Variants in KANK1 observed in about 807,000 individuals in gnomAD.
The protein encoded by KANK1 is KN motif and ankyrin repeat domains 1.
KANK1 carries 109 observed loss-of-function variants against 106.2 expected under a neutral mutation model. The ratio of observed to expected loss-of-function variants is 1.03; its 90% CI spans 0.88 to 1.20. KANK1 has a LOEUF of 1.20. Ranked by LOEUF, KANK1 falls within the 50% of genes most tolerant of loss-of-function variation. The pLI, the probability that KANK1 is intolerant of heterozygous loss-of-function variation, is 0.00. For synonymous variants in KANK1, 873 were observed against 652.2 expected (o/e 1.34, Z -5.16); for missense variants, 2,399 against 1,710.7 (o/e 1.40, Z -7.10).
intron 2 of KANK1, among the ~76,000 whole-genome samples, chr9:698,419 C>T (rs531951625): frequency 6.6e-5 from 10 of 152,274 alleles, no homozygotes; most frequent in East Asian, 1.9e-4. Context: ...CTTCAGTGAC[C>T]TTCAGAAAAG....
At chr9:614,337 T>C (rs1368697426) in intron 1 of KANK1, among the ~76,000 whole-genome samples, 4 of 152,230 alleles carry the variant, frequency 2.6e-5, no homozygotes, top group African/African-American at 9.7e-5. Context: ...TCTATTCAGG[T>C]AATAGGATCT....
intron 1 of KANK1, among the ~76,000 whole-genome samples, chr9:603,883 C>T (rs544025660): frequency 4.1e-5 from 6 of 146,022 alleles, no homozygotes; most frequent in Non-Finnish European, 7.5e-5. Context: ...CACTTGAACC[C>T]GGGAGGCAGA....
intron 1 of KANK1, among the ~76,000 whole-genome samples, chr9:525,494 C>G (rs906828016): frequency 1.3e-5 from 2 of 151,436 alleles, no homozygotes; most frequent in Non-Finnish European, 2.9e-5. Context: ...ATTCTCATGC[C>G]TCAGCCTCCT....
intron 2 of KANK1, chr9:471,083 CTTGT>C (rs2132015800): frequency 6.6e-6 from 1 of 152,330 alleles, no homozygotes; most frequent in African/African-American, 2.4e-5. Flanking sequence ...ATTCTATTAG[CTTGT>C]TTCTCAGCTA....
chr9:598,521 C>G (rs1217906793), intron 1 of KANK1, among the ~76,000 whole-genome samples: 2 of 145,358 alleles, frequency 1.4e-5, no homozygotes, highest in Non-Finnish European at 3.0e-5. Flanking sequence ...TTATTTAGGT[C>G]TTATTCTTCA....
At chr9:684,155 G>C (rs1272947746) in intron 2 of KANK1, 1 of 985,038 alleles carries the variant, frequency 1.0e-6, no homozygotes, top group African/African-American at 1.7e-5. Flanking sequence ...CCTGTAGCCA[G>C]CTTCGCCTTA....
chr9:575,708 A>T (rs1399934844), intron 1 of KANK1, among the ~76,000 whole-genome samples: 3 of 151,800 alleles, frequency 2.0e-5, no homozygotes, highest in Admixed American at 2.0e-4. Context: ...TCTAGTTAAT[A>T]GCAAGGAAAG....
intron 1 of KANK1, among the ~76,000 whole-genome samples, chr9:548,467 T>C (rs931450928): frequency 6.6e-6 from 1 of 152,212 alleles, no homozygotes; most frequent in African/African-American, 2.4e-5. Flanking sequence ...TGCCCTCACA[T>C]GCTTTCTGGG....
At chr9:683,784 C>G (rs2139165960) in intron 2 of KANK1, among the ~76,000 whole-genome samples, 1 of 152,244 alleles carries the variant, frequency 6.6e-6, no homozygotes, top group South Asian at 2.1e-4. Flanking sequence ...TTGCATCATA[C>G]AGCTTCATCC....
At chr9:487,372 C>T (rs1317969322) in intron 3 of KANK1, among the ~76,000 whole-genome samples, 2 of 152,120 alleles carry the variant, frequency 1.3e-5, no homozygotes, top group African/African-American at 4.8e-5. Flanking sequence ...TGATTCTGCC[C>T]ACCTGTAGGC....
Position 697,508 on chromosome 9 carries a change from G to C in KANK1, c.38-13296G>C, listed in dbSNP as rs143891060. On this transcript the variant is annotated intron_variant, in intron 2 of 11. Transcript: ENST00000382297. ...TAGACGTTTCCAGGAATATTTTCTG[G>C]TGAGATATTCTGAGACGACATCAGT... Among the ~76,000 whole-genome samples, 42 of 152,180 alleles carry C rather than the reference G, an allele frequency of 2.8e-4. 3 individuals carry two copies. The East Asian group carries it at 8.1e-3, about 29-fold the overall frequency.
chr9:588,130 C>T lies in KANK1; in HGVS notation c.-84+83376C>T, dbSNP rs181235585. Among the ~76,000 whole-genome samples the T allele has an allele frequency of 2.6e-4, 39 of 151,894 alleles. 1 individual carries two copies. Among genetic ancestry groups the T allele is most frequent in the East Asian group, 2.1e-3 (11 of 5,174 alleles). On this transcript the variant is annotated intron_variant, in intron 1 of 11. Transcript: ENST00000382297. ...CATGTTCACATAGCTGGTAAACCCA[C>T]ACTGGTTCAGAACTTAAACCAGTGA...
chr9:537,967 C>G (rs187589275), intron 1 of KANK1, among the ~76,000 whole-genome samples: 1 of 152,304 alleles, frequency 6.6e-6, no homozygotes, highest in African/African-American at 2.4e-5. Context: ...CTCAACACAA[C>G]AAGTTGCCCT....
intron 2 of KANK1, chr9:693,880 A>C: frequency 1.1e-6 from 1 of 923,340 alleles, no homozygotes; most frequent in East Asian, 1.2e-4. Flanking sequence ...GTGTGTTGTG[A>C]AAAAGATTTG....
chr9:709,232 AAC>A (rs1825215825), intron 2 of KANK1, among the ~76,000 whole-genome samples: 1 of 152,218 alleles, frequency 6.6e-6, no homozygotes, highest in Non-Finnish European at 1.5e-5. Context: ...AGAAGTGGAA[AAC>A]ACAAAATAGA....
chr9:707,455 C>G (rs1438970736), intron 2 of KANK1, among the ~76,000 whole-genome samples: 1 of 152,176 alleles, frequency 6.6e-6, no homozygotes, highest in Non-Finnish European at 1.5e-5. Context: ...TGCAGCTTCT[C>G]TCCTGTTAAT....
intron 1 of KANK1, among the ~76,000 whole-genome samples, chr9:519,715 C>T (rs1173827002): frequency 6.6e-6 from 1 of 151,770 alleles, no homozygotes; most frequent in Non-Finnish European, 1.5e-5. Flanking sequence ...TATCCTCCAT[C>T]AGTTAGAGAT....
intron 1 of KANK1, among the ~76,000 whole-genome samples, chr9:608,034 A>ATTATTATTTT (rs550990252): frequency 2.6e-5 from 3 of 115,354 alleles, no homozygotes; most frequent in Non-Finnish European, 5.0e-5. Flanking sequence ...TATTATTATT[A>ATTATTATTTT]TTTTTTTTTT....
intron 1 of KANK1, among the ~76,000 whole-genome samples, chr9:623,458 C>T (rs1439180263): frequency 1.3e-5 from 2 of 151,848 alleles, no homozygotes; most frequent in African/African-American, 4.8e-5. Flanking sequence ...GGCGTGGTGG[C>T]ATGCACCTAT....
Sources: allele counts gnomAD v4.1 joint callset (sites outside exome capture counted in the v4.1 genomes callset), GRCh38; gene constraint gnomAD v4.1.1; transcripts MANE v1.5; gene names NCBI Gene and HGNC (gene_info 2026-07-23, HGNC 2026-07-21).